Variants in ELP3 observed in about 807,000 individuals in gnomAD.
The protein encoded by ELP3 is elongator acetyltransferase complex subunit 3, also known as elongator complex protein 3.
A neutral mutation model predicts 74.9 loss-of-function variants in ELP3; 56 were observed. The observed-to-expected ratio is 0.75, with a 90% confidence interval of 0.60 to 0.93. ELP3 has a LOEUF of 0.93. Ranked by LOEUF, ELP3 falls within the 40% of genes least tolerant of loss-of-function variation. The pLI is 0.00. For synonymous variants in ELP3, 222 were observed against 239.8 expected, an observed-to-expected ratio of 0.93 and a Z score of 0.68; for missense variants, 573 against 686.5, an observed-to-expected ratio of 0.83 and a Z score of 1.85.
chr8:28,132,482 CTGT>C, intron 9 of ELP3, 78 bp downstream of exon 9: 2 of 1,577,954 alleles, frequency 1.3e-6, no homozygotes, highest in African/African-American at 1.3e-5. Context: ...TGCTTGTTCA[CTGT>C]TGATGTTTTC....
intron 14 of ELP3, among the ~76,000 whole-genome samples, chr8:28,177,830 A>T (rs1814824205): frequency 6.6e-6 from 1 of 152,128 alleles, no homozygotes; most frequent in South Asian, 2.1e-4. Flanking sequence ...AAGAGATAAA[A>T]CTCTTCAATT....
chr8:28,093,009 G>C (rs1190053279), upstream of ELP3: 1 of 756,712 alleles, frequency 1.3e-6, no homozygotes, highest in Non-Finnish European at 2.3e-6. Flanking sequence ...CGCAGCCTAG[G>C]GGCCTCACGG....
intron 12 of ELP3, 134 bp downstream of exon 12, chr8:28,158,767 T>C (rs1384754689): frequency 2.8e-6 from 2 of 715,064 alleles, no homozygotes; most frequent in Admixed American, 5.2e-5. Context: ...GAGGATTAGA[T>C]ACCGGTGTCA....
At chr8:28,148,587 T>G (rs1431021480) in intron 10 of ELP3, among the ~76,000 whole-genome samples, 1 of 152,242 alleles carries the variant, frequency 6.6e-6, no homozygotes, top group East Asian at 1.9e-4. Flanking sequence ...TAGATACTCT[T>G]TATCAAGTTG....
chr8:28,181,777 T>A (rs1192397438), intron 14 of ELP3, among the ~76,000 whole-genome samples: 1 of 152,242 alleles, frequency 6.6e-6, no homozygotes, highest in Non-Finnish European at 1.5e-5. Flanking sequence ...ACTGTTCTGC[T>A]TCCCTATAGT....
intron 5 of ELP3, among the ~76,000 whole-genome samples, chr8:28,108,238 C>A (rs1456684646): frequency 6.6e-6 from 1 of 152,088 alleles, no homozygotes; most frequent in African/African-American, 2.4e-5. Flanking sequence ...CAACTGTAAA[C>A]CTTATTGCAG....
At chr8:28,111,720 T>C (rs1388420320) in intron 6 of ELP3, among the ~76,000 whole-genome samples, 1 of 152,122 alleles carries the variant, frequency 6.6e-6, no homozygotes, top group East Asian at 1.9e-4. Context: ...ATGCTTATGT[T>C]TACCAAAAAA....
intron 1 of ELP3, among the ~76,000 whole-genome samples, chr8:28,094,254 G>A (rs1811164805): frequency 6.6e-6 from 1 of 152,142 alleles, no homozygotes; most frequent in South Asian, 2.1e-4. Context: ...TCTTGATATA[G>A]TTTATTCCTC....
intron 10 of ELP3, among the ~76,000 whole-genome samples, chr8:28,142,612 G>T (rs1379839496): frequency 2.0e-5 from 3 of 152,202 alleles, no homozygotes; most frequent in Admixed American, 2.0e-4. Flanking sequence ...ATTTTTTGAA[G>T]ATAGTGATGA....
chr8:28,178,691 G>T (rs1011273852), intron 14 of ELP3, among the ~76,000 whole-genome samples: 12 of 152,214 alleles, frequency 7.9e-5, no homozygotes, highest in African/African-American at 2.9e-4. Flanking sequence ...CTGGGTTGTA[G>T]AGAGTACATA....
intron 10 of ELP3, among the ~76,000 whole-genome samples, chr8:28,152,819 A>G (rs2130527724): frequency 6.6e-6 from 1 of 152,328 alleles, no homozygotes; most frequent in Middle Eastern, 3.4e-3. Flanking sequence ...ACAAAAAAAT[A>G]AATGTGCTCA....
In ELP3 at chr8:28,137,859, G is replaced by A. The variant is rs753972330; in HGVS notation, c.1068G>A (p.Val356=). Residue 356 remains valine, a synonymous_variant, in exon 10 of 15, where the codon GTG becomes GTA. Transcript: ENST00000256398. The stretch of plus-strand genomic sequence containing the variant: ...TGGTGGCTCGGATCCTAGCCCTCGT[G>A]CCTCCATGGACTCGAGTGTACCGAG... The part of the protein sequence containing the change: ...VELVARILAL[V]PPWTRVYRVQ... The A allele has an allele frequency of 1.6e-4, 257 of 1,612,998 alleles. No individual in the cohort carries two copies. The highest frequency in any genetic ancestry group is 2.0e-4 in the Non-Finnish European group (236 of 1,179,750).
chr8:28,138,743 G>T (rs1393120932), intron 10 of ELP3, among the ~76,000 whole-genome samples: 1 of 152,192 alleles, frequency 6.6e-6, no homozygotes, highest in Non-Finnish European at 1.5e-5. Context: ...GAATTATGAA[G>T]GATATAAAGT....
At chr8:28,176,746 A>G (rs930535646) in intron 14 of ELP3, among the ~76,000 whole-genome samples, 9 of 152,164 alleles carry the variant, frequency 5.9e-5, no homozygotes, top group African/African-American at 2.2e-4. Context: ...CCCTCTTCCT[A>G]CCAGGTTATA....
At chr8:28,102,318 A>G (rs1404408770) in intron 3 of ELP3, among the ~76,000 whole-genome samples, 1 of 152,206 alleles carries the variant, frequency 6.6e-6, no homozygotes, top group East Asian at 1.9e-4. Flanking sequence ...ATGTTAGTTC[A>G]TGGTACCACC....
At chr8:28,114,284 C>T (rs1263994217) in intron 7 of ELP3, among the ~76,000 whole-genome samples, 1 of 152,046 alleles carries the variant, frequency 6.6e-6, no homozygotes, top group Non-Finnish European at 1.5e-5. Context: ...GTTCTAGGGA[C>T]AGAGAGGAAG....
At chr8:28,099,337 C>T (rs1811380320) in intron 2 of ELP3, among the ~76,000 whole-genome samples, 1 of 151,918 alleles carries the variant, frequency 6.6e-6, no homozygotes, top group African/African-American at 2.4e-5. Flanking sequence ...GTGATTTCCT[C>T]CTCAGGACAT....
intron 9 of ELP3, 69 bp downstream of exon 9, chr8:28,132,473 G>A: frequency 1.3e-6 from 2 of 1,596,502 alleles, no homozygotes; most frequent in East Asian, 4.5e-5. Context: ...TGGTCTTGTT[G>A]CTTGTTCACT....
At chr8:28,098,120 T>C (rs987974477) in intron 2 of ELP3, among the ~76,000 whole-genome samples, 1 of 152,120 alleles carries the variant, frequency 6.6e-6, no homozygotes, top group Non-Finnish European at 1.5e-5. Flanking sequence ...CTTTGACACA[T>C]TCATCCACTT....
Sources: allele counts gnomAD v4.1 joint callset (sites outside exome capture counted in the v4.1 genomes callset), GRCh38; gene constraint gnomAD v4.1.1; transcripts MANE v1.5; gene names NCBI Gene and HGNC (gene_info 2026-07-23, HGNC 2026-07-21).